The following WDR7 variants were observed in gnomAD, a reference collection of about 807,000 sequenced individuals.
WDR7 encodes the protein WD repeat-containing protein 7.
Under a neutral mutation model 169.4 loss-of-function variants are expected in WDR7, and 46 were observed. The ratio of observed to expected loss-of-function variants is 0.27; its 90% CI spans 0.21 to 0.35. The LOEUF (loss-of-function observed/expected upper bound fraction) is 0.35. WDR7 is among the 10% of genes least tolerant of loss of function. WDR7 has a pLI of 1.00. For missense variants in WDR7, 1,534 were observed against 1,859.3 expected (o/e 0.83, Z 3.22); for synonymous variants, 612 against 666.8 (o/e 0.92, Z 1.27).
In WDR7 at chr18:56,983,985, C is replaced by A. The variant is rs144312121; in HGVS notation, c.4164+21456C>A. Reference sequence around the variant, plus strand: ...AAACATATTACACTTCTTCCTATGACATATTTGAGGAATGTTTACAGTTAT... The same window carrying A: ...AAACATATTACACTTCTTCCTATGAAATATTTGAGGAATGTTTACAGTTAT... On this transcript the variant is annotated intron_variant, in intron 26 of 27. Coordinates refer to ENST00000254442, the MANE Select transcript of WDR7 (RefSeq NM_015285.3). Among the ~76,000 whole-genome samples, 376 of 151,948 alleles carry A rather than the reference C, an allele frequency of 2.5e-3. 1 individual carries two copies. The highest frequency in any genetic ancestry group is 8.7e-3 in the African/African-American group (360 of 41,492).
chr18:57,023,408 G>C (rs757938538), intron 27 of WDR7, among the ~76,000 whole-genome samples: 23 of 152,328 alleles, frequency 1.5e-4, no homozygotes, highest in Middle Eastern at 3.4e-3. Flanking sequence ...TGAGAAATGA[G>C]TGTTAATGAG....
At chr18:56,939,596 A>C (rs933930103) in intron 25 of WDR7, among the ~76,000 whole-genome samples, 1 of 152,184 alleles carries the variant, frequency 6.6e-6, no homozygotes, top group Non-Finnish European at 1.5e-5. Flanking sequence ...TGGGTGATGA[A>C]GATATTTTGC....
At chr18:56,658,857 C>T (rs1355611751) in intron 1 of WDR7, among the ~76,000 whole-genome samples, 3 of 152,120 alleles carry the variant, frequency 2.0e-5, no homozygotes, top group South Asian at 2.1e-4. Context: ...GGACTACAGG[C>T]GTGCACCACT....
At chr18:56,980,624 TGTG>T (rs1247099648) in intron 26 of WDR7, among the ~76,000 whole-genome samples, 1 of 152,148 alleles carries the variant, frequency 6.6e-6, no homozygotes, top group Admixed American at 6.5e-5. Flanking sequence ...AAGTATAAAG[TGTG>T]GTGAAAAAGT....
intron 20 of WDR7, among the ~76,000 whole-genome samples, chr18:56,854,499 C>T (rs528817052): frequency 2.0e-5 from 3 of 152,198 alleles, no homozygotes; most frequent in Non-Finnish European, 2.9e-5. Context: ...CTCCATACCC[C>T]GTCCTCCTCG....
chr18:57,031,667 A>G (rs2048442363), downstream of WDR7: 1 of 152,216 alleles, frequency 6.6e-6, no homozygotes, highest in Non-Finnish European at 1.5e-5. Flanking sequence ...ATCAGGCTGG[A>G]AATTTTTATT....
At position 56,992,814 on chromosome 18, in the gene WDR7, G is replaced by A. The variant is rs558423873; in HGVS notation, c.4165-27931G>A. 3.3e-5 allele frequency among the ~76,000 whole-genome samples: 5 copies of A among 152,268 alleles called. No homozygotes were observed. The South Asian group carries it at 6.2e-4, about 19-fold the overall frequency. On this transcript the variant is annotated intron_variant, in intron 26 of 27. Coordinates refer to ENST00000254442, the MANE Select transcript of WDR7 (RefSeq NM_015285.3). ...CACTGAACTAGAAGTTCAGGGATAC[G>A]ATAGTTAAAAGAACCTACAGCATGC...
At chr18:56,743,194 G>A (rs2043646862) in intron 14 of WDR7, among the ~76,000 whole-genome samples, 1 of 152,224 alleles carries the variant, frequency 6.6e-6, no homozygotes, top group African/African-American at 2.4e-5. Context: ...GGTTTTGTCC[G>A]GGATGATGAG....
intron 13 of WDR7, among the ~76,000 whole-genome samples, chr18:56,726,114 A>C (rs944705265): frequency 2.0e-5 from 3 of 151,386 alleles, no homozygotes; most frequent in Non-Finnish European, 3.0e-5. Flanking sequence ...GTTCTTTTGG[A>C]GGATTGACTT....
At chr18:56,978,224 A>G (rs749626805) in intron 26 of WDR7, among the ~76,000 whole-genome samples, 4 of 152,246 alleles carry the variant, frequency 2.6e-5, no homozygotes, top group Non-Finnish European at 5.9e-5. Flanking sequence ...ATGAGGAGTC[A>G]GAAAATTTGC....
intron 26 of WDR7, among the ~76,000 whole-genome samples, chr18:56,984,825 G>A (rs113172160): frequency 0.042 from 6,390 of 152,166 alleles, 237 homozygotes; most frequent in East Asian, 0.11. Context: ...TTTTGGGGGC[G>A]GTTTTCCTAC....
chr18:57,012,965 G>A (rs948386461), intron 26 of WDR7, among the ~76,000 whole-genome samples: 8 of 152,214 alleles, frequency 5.3e-5, no homozygotes, highest in African/African-American at 1.9e-4. Flanking sequence ...ACAGCACCTG[G>A]CATATCATAC....
intron 19 of WDR7, among the ~76,000 whole-genome samples, chr18:56,802,467 C>G (rs951828526): frequency 1.3e-5 from 2 of 151,958 alleles, no homozygotes; most frequent in Admixed American, 1.3e-4. Flanking sequence ...ATACCATTCT[C>G]CTGCCTCAGC....
intron 19 of WDR7, among the ~76,000 whole-genome samples, chr18:56,795,766 T>C (rs1274537774): frequency 6.6e-6 from 1 of 152,200 alleles, no homozygotes; most frequent in East Asian, 1.9e-4. Flanking sequence ...ATTTGTTTGT[T>C]TGCTTATAGT....
chr18:56,689,402 A>G (rs2025516643), intron 7 of WDR7, among the ~76,000 whole-genome samples: 1 of 152,174 alleles, frequency 6.6e-6, no homozygotes, highest in South Asian at 2.1e-4. Context: ...CTGGGATCAC[A>G]GGCATGGACC....
chr18:56,827,850 A>G (rs1250179492), intron 20 of WDR7, among the ~76,000 whole-genome samples: 1 of 152,050 alleles, frequency 6.6e-6, no homozygotes. Flanking sequence ...TACCCACAAA[A>G]ATGAAAAATT....
chr18:56,699,156 T>C (rs2025770646), intron 12 of WDR7, among the ~76,000 whole-genome samples: 1 of 152,242 alleles, frequency 6.6e-6, no homozygotes, highest in Non-Finnish European at 1.5e-5. Flanking sequence ...AAATAAATAA[T>C]GACTGCCTAG....
intron 19 of WDR7, among the ~76,000 whole-genome samples, chr18:56,787,153 TG>T (rs1157960044): frequency 2.0e-5 from 3 of 152,136 alleles, no homozygotes; most frequent in Non-Finnish European, 4.4e-5. Context: ...GTCAAGCACC[TG>T]CTGGTTTATG....
Position 56,924,028 on chromosome 18 carries a change from TTGGGAGCCTTACA to T in WDR7, c.3637_3649del (p.Glu1213MetfsTer6). On this transcript the variant is annotated frameshift_variant, in exon 22 of 28. Transcript: ENST00000254442. LOFTEE classifies it high-confidence loss of function. ...ATCTGATTGGACGTGGGTTCACTGT[TTGGGAGCCTTACA>T]TGGATGTGTCCGCTGTTCTGATGGG... is the stretch of plus-strand genomic sequence containing the variant. 6.2e-7 allele frequency: 1 copy of T among 1,612,932 alleles called. No individual in the cohort carries two copies. The highest frequency in any genetic ancestry group is 8.5e-7 in the Non-Finnish European group (1 of 1,179,628).
Sources: gnomAD v4.1 joint callset for allele counts (sites outside exome capture counted in the v4.1 genomes callset) on GRCh38, gnomAD v4.1.1 for gene constraint, MANE v1.5 for transcripts, NCBI Gene and HGNC (gene_info 2026-07-23, HGNC 2026-07-21) for gene names.